The following DLG2 variants were observed in gnomAD, a reference collection of about 807,000 sequenced individuals.
DLG2 encodes the protein discs large MAGUK scaffold protein 2, also known as disks large homolog 2.
DLG2 carries 45 observed loss-of-function variants against 132.5 expected under a neutral mutation model. That is an observed-to-expected ratio of 0.34 (90% CI 0.27 to 0.44). DLG2 has a LOEUF of 0.44. Among genes scored for constraint, DLG2 ranks in the 20% least tolerant of loss-of-function variants. DLG2 has a pLI of 1.00. For synonymous variants in DLG2, 424 were observed against 419.6 expected (o/e 1.01, Z -0.13); for missense variants, 1,045 against 1,196.9 (o/e 0.87, Z 1.87).
intron 7 of DLG2, among the ~76,000 whole-genome samples, chr11:84,444,266 G>T (rs931482603): frequency 6.6e-6 from 1 of 152,126 alleles, no homozygotes; most frequent in Admixed American, 6.5e-5. Context: ...GCTCATTGGT[G>T]CTGGGCTTAT....
intron 8 of DLG2, among the ~76,000 whole-genome samples, chr11:84,180,309 C>A (rs1239414279): frequency 6.6e-6 from 1 of 151,714 alleles, no homozygotes; most frequent in Non-Finnish European, 1.5e-5. Context: ...ATAGAAACTT[C>A]CAAATTGAAA....
intron 3 of DLG2, among the ~76,000 whole-genome samples, chr11:85,349,833 C>A (rs563018841): frequency 6.6e-6 from 1 of 152,208 alleles, no homozygotes; most frequent in African/African-American, 2.4e-5. Context: ...TTGGTTGGTT[C>A]CAAGTCTTTG....
chr11:85,335,959 G>T (rs920240394), intron 3 of DLG2: 30 of 152,002 alleles, frequency 2.0e-4, no homozygotes, highest in African/African-American at 7.0e-4. Context: ...AAAAATTCTT[G>T]GTTGAAATAT....
intron 6 of DLG2, among the ~76,000 whole-genome samples, chr11:84,985,874 C>G (rs1254607459): frequency 2.6e-5 from 4 of 151,004 alleles, no homozygotes; most frequent in African/African-American, 9.7e-5. Context: ...TGCCTGTAAC[C>G]CCAGCTGCTC....
chr11:85,334,009 C>A lies in DLG2; in HGVS notation c.41-48644G>T, dbSNP rs551142752. 1.6e-4 allele frequency among the ~76,000 whole-genome samples: 25 copies of A among 152,064 alleles called. No homozygotes were observed. The South Asian group carries it at 5.2e-3, about 32-fold the overall frequency. ...TGGAGTAGTTTCAGTAGGATTTGTA[C>A]CAGCTCTGCTTTATACATCTGGTAG... On this transcript the variant is annotated intron_variant, in intron 3 of 27. Coordinates refer to ENST00000376104, the MANE Select transcript of DLG2 (RefSeq NM_001142699.3).
intron 4 of DLG2, among the ~76,000 whole-genome samples, chr11:85,157,953 C>T (rs918871003): frequency 3.3e-5 from 5 of 151,096 alleles, no homozygotes; most frequent in Non-Finnish European, 7.4e-5. Context: ...AGATAAACCC[C>T]GCACTGCCTG....
chr11:85,182,356 A>G (rs1427027838), intron 4 of DLG2, among the ~76,000 whole-genome samples: 6 of 152,064 alleles, frequency 3.9e-5, no homozygotes, highest in African/African-American at 1.2e-4. Context: ...TAAACATGTT[A>G]AAGTGATCAA....
intron 6 of DLG2, among the ~76,000 whole-genome samples, chr11:84,957,457 T>A (rs976991139): frequency 2.0e-5 from 3 of 152,226 alleles, no homozygotes; most frequent in Admixed American, 1.3e-4. Context: ...CAGCCTTCAG[T>A]AATTTATATA....
At chr11:84,600,958 C>A (rs1437178132) in intron 6 of DLG2, among the ~76,000 whole-genome samples, 1 of 152,042 alleles carries the variant, frequency 6.6e-6, no homozygotes, top group Non-Finnish European at 1.5e-5. Flanking sequence ...TGGCTTAACA[C>A]AAGGTAAAAA....
At chr11:84,779,920 G>C (rs1230657018) in intron 6 of DLG2, among the ~76,000 whole-genome samples, 1 of 149,558 alleles carries the variant, frequency 6.7e-6, no homozygotes, top group East Asian at 1.9e-4. Context: ...CCAGGACCAG[G>C]ACCAGATTGT....
chr11:84,816,877 T>G (rs1288973500), intron 6 of DLG2, among the ~76,000 whole-genome samples: 1 of 152,068 alleles, frequency 6.6e-6, no homozygotes, highest in Admixed American at 6.6e-5. Context: ...CAATAGCTTA[T>G]ATACAACATT....
At chr11:84,918,439 G>C (rs949647112) in intron 6 of DLG2, among the ~76,000 whole-genome samples, 2 of 152,076 alleles carry the variant, frequency 1.3e-5, no homozygotes, top group Non-Finnish European at 2.9e-5. Context: ...GTTTATTAAA[G>C]GAAGGACAGA....
intron 6 of DLG2, among the ~76,000 whole-genome samples, chr11:84,539,372 T>G (rs1274444751): frequency 1.3e-5 from 2 of 152,198 alleles, no homozygotes; most frequent in Non-Finnish European, 2.9e-5. Context: ...TGACTAAGAA[T>G]CAACCCTAAC....
At chr11:84,431,691 A>C (rs1375009703) in intron 7 of DLG2, among the ~76,000 whole-genome samples, 1 of 152,126 alleles carries the variant, frequency 6.6e-6, no homozygotes, top group Non-Finnish European at 1.5e-5. Context: ...ATATTACCAG[A>C]TAAATAAAAA....
chr11:83,841,533 T>G (rs2057526785), intron 16 of DLG2, among the ~76,000 whole-genome samples: 1 of 152,184 alleles, frequency 6.6e-6, no homozygotes, highest in Non-Finnish European at 1.5e-5. Flanking sequence ...ATCATAATGC[T>G]TATTCCACTG....
chr11:85,076,068 T>G (rs560625422), intron 6 of DLG2, among the ~76,000 whole-genome samples: 5 of 152,080 alleles, frequency 3.3e-5, no homozygotes, highest in Non-Finnish European at 5.9e-5. Flanking sequence ...CACATTAAGC[T>G]TGTTGGTCAA....
rs1224277128 is a variant in DLG2 at position 84,059,467 on chromosome 11, A to C, written c.767T>G (p.Leu256Trp). The C allele has an allele frequency of 1.9e-6, 3 of 1,604,758 alleles. No homozygotes were observed. Among genetic ancestry groups the C allele is most frequent in the Non-Finnish European group, 2.6e-6 (3 of 1,175,782 alleles). The change falls in exon 11 of 28, where the codon TTG becomes TGG. Residue 256 changes from leucine (L) to tryptophan (W), a missense_variant. Around this residue, in one of 4 missense-constraint regions of DLG2, gnomAD observed 109 missense variants for 159.1 expected, o/e 0.69. Transcript: ENST00000376104. ...DGRLRVNDCI[L>W]RVNEVDVSEV... The stretch of plus-strand genomic sequence containing the variant: ...TGACACATCAACCTCATTCACCCGC[A>C]AGATACAATCATTGACCCTGCAAGG...
chr11:84,373,705 A>C (rs80181445), intron 7 of DLG2, among the ~76,000 whole-genome samples: 1,938 of 152,316 alleles, frequency 0.013, 23 homozygotes, highest in East Asian at 0.022. Flanking sequence ...CACATTGTTG[A>C]AACATCAAAG....
chr11:85,481,859 A>G (rs372437144), intron 3 of DLG2, among the ~76,000 whole-genome samples: 3 of 151,768 alleles, frequency 2.0e-5, no homozygotes, highest in South Asian at 4.2e-4. Flanking sequence ...GTGCCAGACC[A>G]GCCCCCTGCA....
Sources: allele counts gnomAD v4.1 joint callset (sites outside exome capture counted in the v4.1 genomes callset), GRCh38; gene constraint gnomAD v4.1.1; regional missense constraint gnomAD v4.1.1; transcripts MANE v1.5; gene names NCBI Gene and HGNC (gene_info 2026-07-23, HGNC 2026-07-21).